Variants in PABIR3 observed in about 807,000 individuals in gnomAD.
PABIR3 encodes PABIR family member 1.
Under a neutral mutation model 23.1 loss-of-function variants are expected in PABIR3, and 20 were observed. That is an observed-to-expected ratio of 0.86 (90% CI 0.61 to 1.26). PABIR3 has a LOEUF of 1.26. Ranked by LOEUF, PABIR3 falls within the 50% of genes most tolerant of loss-of-function variation. The pLI is 0.00. For missense variants in PABIR3, 189 were observed against 195.4 expected, an observed-to-expected ratio of 0.97 and a Z score of 0.20; for synonymous variants, 69 against 68.5, an observed-to-expected ratio of 1.01 and a Z score of -0.04.
chrX:134,796,420 T>C, upstream of PABIR3: 1 of 373,750 alleles, frequency 2.7e-6, no homozygotes, highest in Non-Finnish European at 4.6e-6. Context: ...GGGAGGATGA[T>C]GGTGAGGCAG....
At chrX:134,856,692 C>T (rs963906028), downstream of PABIR3, among the ~76,000 whole-genome samples, 2 of 111,257 alleles carry the variant, frequency 1.8e-5, no homozygotes, top group Non-Finnish European at 1.9e-5. Context: ...CTTTTACTTG[C>T]TATTCTGTGT....
chrX:134,852,911 G>A lies in PABIR3; in HGVS notation c.686+15G>A. ...AATAATGTGTAGTGAGTATTAACATGAGATTTTAAACATTCATTGATCATT... is the reference window on the plus strand; with the variant it reads ...AATAATGTGTAGTGAGTATTAACATAAGATTTTAAACATTCATTGATCATT... On this transcript the variant is annotated intron_variant, in intron 10 of 10. Transcript: ENST00000645433. 1 of 1,057,039 alleles carries A rather than the reference G, an allele frequency of 9.5e-7. No individual in the cohort carries two copies. Among genetic ancestry groups the A allele is most frequent in the Non-Finnish European group, 1.2e-6 (1 of 802,549 alleles). 87.1% of individuals were successfully genotyped at this position (1,057,039 alleles called of 1,213,427 possible). A position where few individuals can be genotyped will look rare whatever the true frequency, so the allele number is the denominator to read the frequency against.
chrX:134,847,632 G>C (rs189163353), intron 7 of PABIR3, among the ~76,000 whole-genome samples, 157 bp downstream of exon 7: 1 of 111,855 alleles, frequency 8.9e-6, no homozygotes. Context: ...ATTTCTTCAA[G>C]TATTACTTAC....
chrX:134,808,302 G>T, intron 2 of PABIR3: 1 of 291,297 alleles, frequency 3.4e-6, no homozygotes, highest in Non-Finnish European at 6.0e-6. Flanking sequence ...CAATTCTCAT[G>T]CCTCAGCCTC....
downstream of PABIR3, among the ~76,000 whole-genome samples, chrX:134,857,341 T>C (rs1006023490): frequency 1.8e-5 from 2 of 110,870 alleles, no homozygotes; most frequent in African/African-American, 6.6e-5. Flanking sequence ...GAGAGAATCC[T>C]GTGATTCTCT....
intron 9 of PABIR3, 61 bp from the exon 10 acceptor site, chrX:134,852,739 A>G: frequency 1.5e-6 from 1 of 677,925 alleles, no homozygotes; most frequent in South Asian, 4.6e-5. Context: ...TACTTTTGCA[A>G]TTAAAATAAT....
chrX:134,856,308 C>G (rs1040949463), downstream of PABIR3, among the ~76,000 whole-genome samples: 3 of 109,871 alleles, frequency 2.7e-5, no homozygotes, highest in Admixed American at 9.7e-5. Flanking sequence ...GCCTCAACCT[C>G]CCGAGTAGCT....
intron 3 of PABIR3, among the ~76,000 whole-genome samples, chrX:134,828,091 G>A (rs112137174): frequency 1.0e-5 from 1 of 100,493 alleles, no homozygotes; most frequent in Non-Finnish European, 2.0e-5. Context: ...AAAGGTGGGT[G>A]TTTGCCATCT....
At position 134,854,123 on chromosome X, in the gene PABIR3, G is replaced by A; in HGVS notation, c.719G>A (p.Ser240Asn). 1 of 1,211,272 alleles carries A rather than the reference G, an allele frequency of 8.3e-7. No individual in the cohort carries two copies. Among genetic ancestry groups the A allele is most frequent in the Non-Finnish European group, 1.1e-6 (1 of 895,266 alleles). ...LLPATFDGND[S>N]NAGSSGNSSA... ...CCAGCTACTTTTGATGGAAACGACA[G>A]CAATGCTGGATCTTCTGGTAATTCG... is the stretch of plus-strand genomic sequence containing the variant. Residue 240 changes from serine (S) to asparagine (N), a missense_variant, in exon 11 of 11, where the codon AGC becomes AAC. Coordinates refer to ENST00000645433, the MANE Select transcript of PABIR3 (RefSeq NM_001388447.1).
At chrX:134,862,965 C>T in the PABIR3 span, among the ~76,000 whole-genome samples, 1 of 112,125 alleles carries the variant, frequency 8.9e-6, no homozygotes, top group Non-Finnish European at 1.9e-5. Flanking sequence ...AATCTTTCTT[C>T]CTCTAGATTT....
rs201136667 is a variant in PABIR3, at chrX:134,852,821, A to G, written c.611A>G (p.Gln204Arg). 1,012 of 1,134,381 alleles carry G rather than the reference A, an allele frequency of 8.9e-4. 1 individual carries two copies. The highest frequency in any genetic ancestry group is 1.1e-3 in the Non-Finnish European group (968 of 862,958). 93.5% of individuals were successfully genotyped at this position (1,134,381 alleles called of 1,213,427 possible). ...ATAGGTGAAATGGCATTTCAATATC[A>G]ACCAAAAAAGATTTTCCAAGGCACA... ...KRKGEMAFQYQPKKIFQGTTN... is the reference protein window; with the variant it reads ...KRKGEMAFQYRPKKIFQGTTN... The change falls in exon 10 of 11, where the codon CAA (glutamine) becomes CGA (arginine). Residue 204 changes from glutamine to arginine, a missense_variant. Transcript: ENST00000645433.
intron 4 of PABIR3, among the ~76,000 whole-genome samples, chrX:134,843,914 T>C (rs1168990952): frequency 2.0e-5 from 2 of 99,568 alleles, no homozygotes; most frequent in African/African-American, 7.9e-5. Context: ...GCTATATGCA[T>C]GTTCTTTTTT....
At chrX:134,847,849 C>T (rs1449043630) in intron 7 of PABIR3, 34 bp from the exon 8 acceptor site, 3 of 1,104,798 alleles carry the variant, frequency 2.7e-6, no homozygotes, top group East Asian at 3.3e-5. Flanking sequence ...AGAAAAGTGG[C>T]GGTTTTAAAA....
chrX:134,841,467 A>C (rs2082228949), intron 4 of PABIR3, among the ~76,000 whole-genome samples: 1 of 112,116 alleles, frequency 8.9e-6, no homozygotes, highest in Non-Finnish European at 1.9e-5. Context: ...TATTATGTGA[A>C]TCATAGAATA....
At chrX:134,863,234 G>A in the PABIR3 span, among the ~76,000 whole-genome samples, 1 of 111,375 alleles carries the variant, frequency 9.0e-6, no homozygotes, top group Admixed American at 9.6e-5. Context: ...TATGCAGAAG[G>A]AGCAGGACTG....
intron 3 of PABIR3, among the ~76,000 whole-genome samples, chrX:134,824,989 A>T (rs1440608924): frequency 9.0e-6 from 1 of 111,010 alleles, no homozygotes; most frequent in Non-Finnish European, 1.9e-5. Context: ...GGTGGTAATG[A>T]TGTGCCAATG....
chrX:134,845,897 C>T (rs1237669498), intron 6 of PABIR3, among the ~76,000 whole-genome samples: 1 of 111,957 alleles, frequency 8.9e-6, no homozygotes, highest in Non-Finnish European at 1.9e-5. Context: ...CTCCCTTCTC[C>T]ATAATTTATG....
chrX:134,822,275 GA>G, intron 3 of PABIR3: 1 of 752,474 alleles, frequency 1.3e-6, no homozygotes. Context: ...GTTTCATGTG[GA>G]AAAATTATCT....
chrX:134,847,249 T>C, intron 6 of PABIR3, 134 bp from the exon 7 acceptor site: 1 of 423,699 alleles, frequency 2.4e-6, no homozygotes, highest in Non-Finnish European at 4.0e-6. Flanking sequence ...TGCTTTAGGA[T>C]GGCGAGAGCT....
Sources: gnomAD v4.1 joint callset for allele counts (sites outside exome capture counted in the v4.1 genomes callset) on GRCh38, gnomAD v4.1.1 for gene constraint, MANE v1.5 for transcripts, NCBI Gene and HGNC (gene_info 2026-07-23, HGNC 2026-07-21) for gene names.